LRRC37A2: variants seen among roughly 807,000 people sequenced by gnomAD.
LRRC37A2 encodes leucine-rich repeat-containing protein 37A2.
LRRC37A2 carries 9 observed loss-of-function variants against 68.8 expected under a neutral mutation model. The ratio of observed to expected loss-of-function variants is 0.13; its 90% CI spans 0.08 to 0.23. The LOEUF is 0.23. LRRC37A2 is among the 10% of genes least tolerant of loss of function. The probability of loss-of-function intolerance (pLI) is 1.00; values close to 1 mark genes in which losing one functional copy is unlikely to be tolerated. For missense variants in LRRC37A2, 168 were observed against 950.4 expected (o/e 0.18, Z 10.82); for synonymous variants, 63 against 367.6 (o/e 0.17, Z 9.48).
chr17:46,865,237 T>C, the LRRC37A2 span, among the ~76,000 whole-genome samples: 1 of 152,222 alleles, frequency 6.6e-6, no homozygotes, highest in Non-Finnish European at 1.5e-5. Flanking sequence ...ATTGTTGAGA[T>C]GCAAAGCATG....
chr17:46,841,638 G>A, the LRRC37A2 span, among the ~76,000 whole-genome samples: 1 of 152,228 alleles, frequency 6.6e-6, no homozygotes, highest in East Asian at 1.9e-4. Context: ...ATTCCTTGAG[G>A]AGAAGGGGCT....
the LRRC37A2 span, among the ~76,000 whole-genome samples, chr17:46,703,680 C>CAAAAAAAAA: frequency 3.5e-4 from 13 of 37,640 alleles, no homozygotes; most frequent in South Asian, 1.2e-3. Context: ...GACTCCGTCT[C>CAAAAAAAAA]AAAAAAAAAA....
chr17:46,730,943 G>C, the LRRC37A2 span, among the ~76,000 whole-genome samples: 5 of 148,554 alleles, frequency 3.4e-5, no homozygotes, highest in Admixed American at 3.4e-4. Flanking sequence ...GGAGAAATTG[G>C]AACCTGTATG....
At chr17:46,934,740 G>A in the LRRC37A2 span, among the ~76,000 whole-genome samples, 1 of 152,224 alleles carries the variant, frequency 6.6e-6, no homozygotes, top group East Asian at 1.9e-4. Context: ...TGAAGGAATA[G>A]CTTTTCCTAA....
chr17:46,775,976 C>A, the LRRC37A2 span, among the ~76,000 whole-genome samples: 1 of 152,174 alleles, frequency 6.6e-6, no homozygotes, highest in South Asian at 2.1e-4. Flanking sequence ...TGGCCCTGAG[C>A]AGAGGCTTTT....
At chr17:46,838,730 T>A in the LRRC37A2 span, among the ~76,000 whole-genome samples, 5 of 152,166 alleles carry the variant, frequency 3.3e-5, no homozygotes, top group African/African-American at 1.2e-4. Context: ...TGGGTTGTTT[T>A]AATAAGCATA....
At chr17:46,952,030 A>G in the LRRC37A2 span, among the ~76,000 whole-genome samples, 2 of 152,210 alleles carry the variant, frequency 1.3e-5, no homozygotes. Context: ...TATATATTGC[A>G]TCAGGGAGAG....
the LRRC37A2 span, among the ~76,000 whole-genome samples, chr17:47,048,349 C>A: frequency 1.3e-5 from 2 of 151,696 alleles, no homozygotes; most frequent in Admixed American, 1.3e-4. Flanking sequence ...GAAGCTTTGG[C>A]TGATTCCCCA....
the LRRC37A2 span, among the ~76,000 whole-genome samples, chr17:47,025,114 T>C: frequency 6.6e-6 from 1 of 152,198 alleles, no homozygotes; most frequent in Non-Finnish European, 1.5e-5. Flanking sequence ...AAGTTAAGAA[T>C]GGTTTTTGCA....
the LRRC37A2 span, among the ~76,000 whole-genome samples, chr17:46,659,265 C>CA: frequency 1.7e-4 from 5 of 29,560 alleles, no homozygotes; most frequent in African/African-American, 9.8e-4. Flanking sequence ...CAAAGTATAC[C>CA]AAGAAAAAAG....
chr17:46,965,739 T>A, the LRRC37A2 span, among the ~76,000 whole-genome samples: 13 of 152,002 alleles, frequency 8.6e-5, no homozygotes, highest in Admixed American at 4.6e-4. Context: ...CCTCCCACCT[T>A]AGCCTCCTGA....
the LRRC37A2 span, among the ~76,000 whole-genome samples, chr17:46,841,970 G>T: frequency 6.6e-6 from 1 of 152,200 alleles, no homozygotes; most frequent in Admixed American, 6.5e-5. Flanking sequence ...CGGCCGCCGC[G>T]AGCAGCGCTG....
chr17:46,827,076 C>T, the LRRC37A2 span, among the ~76,000 whole-genome samples: 1 of 152,170 alleles, frequency 6.6e-6, no homozygotes, highest in African/African-American at 2.4e-5. Flanking sequence ...CATGCCCAGC[C>T]TCAGCTGCTG....
chr17:46,869,339 A>G, the LRRC37A2 span, among the ~76,000 whole-genome samples: 2 of 152,204 alleles, frequency 1.3e-5, no homozygotes, highest in Non-Finnish European at 2.9e-5. Flanking sequence ...CTCCAAGGCA[A>G]CACTGGCCAT....
At chr17:46,851,837 C>T in the LRRC37A2 span, 6 of 461,234 alleles carry the variant, frequency 1.3e-5, no homozygotes, top group African/African-American at 2.0e-5. This position sits in a 1 kb window ranked among gnomAD's most constrained non-coding sequence, Gnocchi z 4.3. Flanking sequence ...GAACTCAGAC[C>T]CTAGCCCGGC....
the LRRC37A2 span, chr17:46,940,905 C>T: frequency 7.4e-7 from 1 of 1,356,088 alleles, no homozygotes; most frequent in Non-Finnish European, 9.5e-7. Flanking sequence ...CACACATCTG[C>T]TTTCAGTGCC....
chr17:46,711,191 A>G, the LRRC37A2 span: 61 of 1,344,188 alleles, frequency 4.5e-5, no homozygotes, highest in Middle Eastern at 1.9e-4. Context: ...GCCCGTAAGC[A>G]CATTCTAGAA....
chr17:46,712,926 G>T, the LRRC37A2 span, among the ~76,000 whole-genome samples: 1 of 152,180 alleles, frequency 6.6e-6, no homozygotes. Flanking sequence ...GGCTGAAAAA[G>T]ATACCAAAAT....
chr17:46,883,124 G>A, the LRRC37A2 span, among the ~76,000 whole-genome samples: 1 of 151,856 alleles, frequency 6.6e-6, no homozygotes, highest in African/African-American at 2.4e-5. Context: ...GACTCCAGGT[G>A]CCCGCCACCA....
Sources: allele counts gnomAD v4.1 joint callset (sites outside exome capture counted in the v4.1 genomes callset), GRCh38; gene constraint gnomAD v4.1.1; non-coding constraint Gnocchi (gnomAD v3.1); transcripts MANE v1.5; gene names NCBI Gene and HGNC (gene_info 2026-07-23, HGNC 2026-07-21).